ROBO2: variants seen among roughly 807,000 people sequenced by gnomAD.
ROBO2 encodes roundabout guidance receptor 2, also known as roundabout homolog 2.
In ROBO2, 53 loss-of-function variants were observed where a neutral mutation model predicts 160.8. That is an observed-to-expected ratio of 0.33 (90% CI 0.26 to 0.41). ROBO2 has a LOEUF of 0.41. Ranked by LOEUF, ROBO2 falls within the 10% of genes least tolerant of loss-of-function variation. ROBO2 has a pLI of 1.00. For missense variants in ROBO2, 1,577 were observed against 1,722.4 expected, an observed-to-expected ratio of 0.92 and a Z score of 1.49; for synonymous variants, 664 against 611.7, an observed-to-expected ratio of 1.09 and a Z score of -1.26.
intron 6 of ROBO2, among the ~76,000 whole-genome samples, chr3:77,528,643 T>C (rs114147691): frequency 0.021 from 3,177 of 151,720 alleles, 126 homozygotes; most frequent in African/African-American, 0.072. Flanking sequence ...ATCAAAGCTG[T>C]TGCAGGAGGG....
At chr3:77,222,148 G>A (rs1419471431) in intron 2 of ROBO2, among the ~76,000 whole-genome samples, 1 of 152,104 alleles carries the variant, frequency 6.6e-6, no homozygotes, top group East Asian at 1.9e-4. Context: ...ACCGTGCCCG[G>A]CCCAATGGAC....
intron 2 of ROBO2, among the ~76,000 whole-genome samples, chr3:76,215,680 C>T (rs1379388892): frequency 2.0e-5 from 3 of 152,118 alleles, no homozygotes; most frequent in South Asian, 2.1e-4. Context: ...AAATCTATGT[C>T]TAATTGGTGT....
At chr3:76,538,423 C>A (rs73119859) in intron 2 of ROBO2, among the ~76,000 whole-genome samples, 5,346 of 152,158 alleles carry the variant, frequency 0.035, 97 homozygotes, top group South Asian at 0.045. Flanking sequence ...AATAACTAAC[C>A]ACCTGTGCCA....
intron 2 of ROBO2, among the ~76,000 whole-genome samples, chr3:77,179,672 C>T (rs2150826635): frequency 6.6e-6 from 1 of 152,114 alleles, no homozygotes; most frequent in African/African-American, 2.4e-5. Flanking sequence ...TCTTTTAAAC[C>T]TTGAATGTAA....
intron 2 of ROBO2, among the ~76,000 whole-genome samples, chr3:76,810,380 T>C (rs2065068409): frequency 6.6e-6 from 1 of 152,160 alleles, no homozygotes; most frequent in African/African-American, 2.4e-5. Context: ...ACAGTTACTT[T>C]TCAATATTGA....
At chr3:76,636,055 G>T (rs1383571468) in intron 2 of ROBO2, among the ~76,000 whole-genome samples, 1 of 151,894 alleles carries the variant, frequency 6.6e-6, no homozygotes, top group African/African-American at 2.4e-5. Flanking sequence ...TTAATCATTT[G>T]GACATATTTC....
intron 2 of ROBO2, among the ~76,000 whole-genome samples, chr3:77,348,377 G>A (rs2153456281): frequency 6.6e-6 from 1 of 152,204 alleles, no homozygotes; most frequent in African/African-American, 2.4e-5. Flanking sequence ...AAACTTTCAT[G>A]GCGCTGGTGC....
chr3:76,736,610 CAGTA>C (rs1218800988), intron 2 of ROBO2, among the ~76,000 whole-genome samples: 1 of 152,158 alleles, frequency 6.6e-6, no homozygotes, highest in Non-Finnish European at 1.5e-5. Flanking sequence ...AGAGGATCTG[CAGTA>C]AGTAACATTT....
intron 2 of ROBO2, among the ~76,000 whole-genome samples, chr3:76,589,665 T>G (rs145151511): frequency 7.5e-4 from 114 of 152,322 alleles, no homozygotes; most frequent in African/African-American, 2.6e-3. Flanking sequence ...TATACTACAA[T>G]GTTACCTAAT....
intron 2 of ROBO2, among the ~76,000 whole-genome samples, chr3:77,357,416 T>TCCACC (rs1206065644): frequency 1.3e-5 from 2 of 152,254 alleles, no homozygotes; most frequent in Middle Eastern, 3.4e-3. Flanking sequence ...TGTCATGCCT[T>TCCACC]CCACCGTGTT....
chr3:76,139,325 C>A (rs1439598072), intron 2 of ROBO2, among the ~76,000 whole-genome samples: 1 of 151,982 alleles, frequency 6.6e-6, no homozygotes, highest in Admixed American at 6.6e-5. Flanking sequence ...CAACACAGCT[C>A]AGATACCAAC....
intron 2 of ROBO2, among the ~76,000 whole-genome samples, chr3:75,997,785 G>A (rs184357052): frequency 2.1e-3 from 326 of 152,194 alleles, no homozygotes; most frequent in Middle Eastern, 0.01. Context: ...GAGCCACCGC[G>A]CCCGGCAAGT....
At chr3:77,347,439 T>G (rs2067784743) in intron 2 of ROBO2, among the ~76,000 whole-genome samples, 1 of 152,028 alleles carries the variant, frequency 6.6e-6, no homozygotes, top group Non-Finnish European at 1.5e-5. Flanking sequence ...TCTTACCGTA[T>G]AATTCCCATC....
At chr3:76,707,061 T>C (rs1329162234) in intron 2 of ROBO2, among the ~76,000 whole-genome samples, 1 of 152,070 alleles carries the variant, frequency 6.6e-6, no homozygotes, top group Non-Finnish European at 1.5e-5. Context: ...TATATATACA[T>C]ATTTTCTGTG....
intron 2 of ROBO2, among the ~76,000 whole-genome samples, chr3:76,400,981 C>G (rs1390044231): frequency 6.6e-6 from 1 of 151,506 alleles, no homozygotes; most frequent in Non-Finnish European, 1.5e-5. Context: ...ACAAAAATAT[C>G]TCTGGCTCTC....
rs374340580 is a variant in ROBO2 at position 77,151,082 on chromosome 3, G to A, written c.388+52742G>A. On this transcript the variant is annotated intron_variant, in intron 2 of 25. Coordinates refer to ENST00000461745, the Ensembl canonical transcript of ROBO2. Reference sequence around the variant, plus strand: ...GATGTAACACTCTGGCTTAAAAGGGGTACTCAAATGTAGACCTAGATCTTG... The same window carrying A: ...GATGTAACACTCTGGCTTAAAAGGGATACTCAAATGTAGACCTAGATCTTG... Among the ~76,000 whole-genome samples the A allele has an allele frequency of 2.1e-3, 317 of 152,098 alleles. 2 individuals are homozygous for A. Among genetic ancestry groups the A allele is most frequent in the African/African-American group, 7.2e-3 (299 of 41,500 alleles).
At chr3:76,117,423 A>T (rs2070519892) in intron 2 of ROBO2, among the ~76,000 whole-genome samples, 1 of 152,162 alleles carries the variant, frequency 6.6e-6, no homozygotes, top group Non-Finnish European at 1.5e-5. Flanking sequence ...ACAGTGATTA[A>T]CAGATTGTTT....
chr3:77,231,917 A>T (rs1306859598), intron 2 of ROBO2, among the ~76,000 whole-genome samples: 1 of 152,110 alleles, frequency 6.6e-6, no homozygotes, highest in East Asian at 1.9e-4. Context: ...TGTTTTACCC[A>T]GTCCTTGTTT....
intron 2 of ROBO2, among the ~76,000 whole-genome samples, chr3:76,574,584 T>C (rs2085167946): frequency 6.6e-6 from 1 of 152,096 alleles, no homozygotes. Context: ...AAATCACATA[T>C]CTTATGCACA....
Sources: allele counts gnomAD v4.1 joint callset (sites outside exome capture counted in the v4.1 genomes callset), GRCh38; gene constraint gnomAD v4.1.1; transcripts MANE v1.5; gene names NCBI Gene and HGNC (gene_info 2026-07-23, HGNC 2026-07-21).